Variants in MPHOSPH8 observed in about 807,000 individuals in gnomAD.
MPHOSPH8 encodes the protein M-phase phosphoprotein 8.
In MPHOSPH8, 45 loss-of-function variants were observed where a neutral mutation model predicts 87.3. The observed-to-expected ratio is 0.52, with a 90% CI of 0.41 to 0.66. The LOEUF (loss-of-function observed/expected upper bound fraction) is 0.66, where lower values mean the gene tolerates loss of function less well. MPHOSPH8 is among the 30% of genes least tolerant of loss of function. The pLI is 0.00. For missense variants in MPHOSPH8, 883 were observed against 1,020.2 expected, an observed-to-expected ratio of 0.87 and a Z score of 1.83; for synonymous variants, 366 against 376.9, an observed-to-expected ratio of 0.97 and a Z score of 0.33.
At position 19,633,692 on chromosome 13, in the gene MPHOSPH8, G is replaced by A. The variant is rs2137487208; in HGVS notation, c.-57G>A. On this transcript the variant is annotated 5_prime_UTR_variant, in exon 1 of 14. Transcript: ENST00000361479. ...GTAGGGCCGAGCGCGGAACGCGAGGGGCTGCTGGGGTGTTTGTCGCAGCGG... is the reference window on the plus strand; with the variant it reads ...GTAGGGCCGAGCGCGGAACGCGAGGAGCTGCTGGGGTGTTTGTCGCAGCGG... 2.0e-6 allele frequency: 3 copies of A among 1,534,472 alleles called. No homozygotes were observed. The South Asian group carries it at 3.6e-5, about 18-fold the overall frequency.
At chr13:19,652,559 A>C (rs1486989778) in intron 5 of MPHOSPH8, among the ~76,000 whole-genome samples, 1 of 152,114 alleles carries the variant, frequency 6.6e-6, no homozygotes, top group Non-Finnish European at 1.5e-5. Flanking sequence ...CCCCAGTGGC[A>C]CCTGGAACGC....
At chr13:19,648,383 CTT>C (rs1565936371) in intron 3 of MPHOSPH8, 37 bp from the exon 4 acceptor site, 2 of 1,339,572 alleles carry the variant, frequency 1.5e-6, no homozygotes, top group Non-Finnish European at 2.1e-6. Context: ...AGTGTCAACT[CTT>C]TATCCATTCT....
In MPHOSPH8 at chr13:19,646,603, A is replaced by G. The variant is rs1050023244; in HGVS notation, c.530A>G (p.Lys177Arg). 7 of 1,584,250 alleles carry G rather than the reference A, an allele frequency of 4.4e-6. No individual in the cohort carries two copies. In the African/African-American group the frequency reaches 5.5e-5, roughly 12 times the overall value. ...DLKKKKAKAG[K>R]LKDKSKPDLE... ...AAAAAGAAAAAAGCAAAGGCCGGGA[A>G]GCTAAAAGACAAGTCCAAACCAGAC... Residue 177 changes from lysine (K) to arginine (R), a missense_variant, in exon 3 of 14, where the codon AAG (lysine) becomes AGG (arginine). By Grantham distance (26) the Lys-to-Arg change is conservative. Around this residue, in one of 3 missense-constraint regions of MPHOSPH8, gnomAD observed 741 missense variants for 841.5 expected, o/e 0.88. Coordinates refer to ENST00000361479, the MANE Select transcript of MPHOSPH8 (RefSeq NM_017520.4).
intron 5 of MPHOSPH8, among the ~76,000 whole-genome samples, chr13:19,654,617 A>G (rs939166516): frequency 5.9e-5 from 9 of 152,348 alleles, no homozygotes; most frequent in Admixed American, 1.3e-4. Flanking sequence ...ATTCTGGGAG[A>G]CCATCATAAC....
rs1238429527 is a variant in MPHOSPH8, at chr13:19,633,768, G to T, written c.20G>T (p.Gly7Val). 2 of 1,600,978 alleles carry T rather than the reference G, an allele frequency of 1.2e-6. No homozygotes were observed. Among genetic ancestry groups the T allele is most frequent in the Non-Finnish European group, 1.7e-6 (2 of 1,174,648 alleles). MEQVAE[G>V]ARVTAVPVSA... ...GCTAGGATGGAGCAGGTTGCGGAGG[G>T]AGCAAGGGTGACCGCAGTCCCTGTG... is the stretch of plus-strand genomic sequence containing the variant. Residue 7 changes from glycine (G) to valine (V), a missense_variant, in exon 1 of 14, where the codon GGA (glycine) becomes GTA (valine). Transcript: ENST00000361479.
In MPHOSPH8 at chr13:19,673,065, A is replaced by C. The variant is rs1050539078; in HGVS notation, c.*1190A>C. On this transcript the variant is annotated 3_prime_UTR_variant, in exon 14 of 14. Transcript: ENST00000361479. ...ATGAGACCTTGTCTCAAAAAAAAAA[A>C]AAAGTTTCTTGGAACCTATACGGTT... 38 of 443,072 alleles carry C rather than the reference A, an allele frequency of 8.6e-5. No individual in the cohort carries two copies. In the Admixed American group the frequency reaches 9.8e-4, roughly 11 times the overall value. 27.4% of individuals were successfully genotyped at this position (443,072 alleles called of 1,614,324 possible).
intron 5 of MPHOSPH8, among the ~76,000 whole-genome samples, chr13:19,650,728 TA>T (rs1256733020): frequency 4.7e-5 from 7 of 150,184 alleles, no homozygotes; most frequent in African/African-American, 1.7e-4. Context: ...GGAGGAGTGC[TA>T]AAAAGTGTAC....
Position 19,672,939 on chromosome 13 carries a change from C to T in MPHOSPH8, c.*1064C>T. Reference sequence around the variant, plus strand: ...CATGGGGTGGAACAAGCCTGTAGTCCCAGATACTCAGGAGGCTGAGGTGAA... The same window carrying T: ...CATGGGGTGGAACAAGCCTGTAGTCTCAGATACTCAGGAGGCTGAGGTGAA... On this transcript the variant is annotated 3_prime_UTR_variant, in exon 14 of 14. Coordinates refer to ENST00000361479, the MANE Select transcript of MPHOSPH8 (RefSeq NM_017520.4). The T allele has an allele frequency of 5.3e-6, 2 of 378,288 alleles. No individual in the cohort carries two copies. Among genetic ancestry groups the T allele is most frequent in the South Asian group, 4.1e-5 (2 of 48,248 alleles). The allele number at this position is 378,288 out of a possible 1,614,324, so 23.4% of individuals were successfully genotyped here.
At chr13:19,651,739 A>C (rs749275193) in intron 5 of MPHOSPH8, among the ~76,000 whole-genome samples, 11 of 152,132 alleles carry the variant, frequency 7.2e-5, no homozygotes, top group South Asian at 2.1e-4. Context: ...ACTGAATGAC[A>C]TGGGAAAATT....
At chr13:19,666,603 T>C (rs9508812) in intron 10 of MPHOSPH8, 24 bp downstream of exon 10, 1,214,132 of 1,559,382 alleles carry the variant, frequency 0.78, 479,523 homozygotes, top group East Asian at 0.91. Context: ...GACTGTGCCA[T>C]AGTTAAGTCA....
chr13:19,656,187 G>A (rs1875155021), intron 5 of MPHOSPH8, among the ~76,000 whole-genome samples: 2 of 150,924 alleles, frequency 1.3e-5, no homozygotes, highest in East Asian at 1.9e-4. Flanking sequence ...GCTAAGGTAG[G>A]AGGACCATTT....
At chr13:19,641,364 C>T (rs1361900787) in intron 1 of MPHOSPH8, among the ~76,000 whole-genome samples, 1 of 151,362 alleles carries the variant, frequency 6.6e-6, no homozygotes, top group Non-Finnish European at 1.5e-5. Flanking sequence ...GCTCTTTTGC[C>T]CAGGCAGGAG....
At chr13:19,670,768 G>A in intron 12 of MPHOSPH8, 1 of 1,198,728 alleles carries the variant, frequency 8.3e-7, no homozygotes, top group South Asian at 1.6e-5. Context: ...CAGTTTCCCA[G>A]ATTGATTCTG....
chr13:19,641,386 A>G (rs1874280537), intron 1 of MPHOSPH8, among the ~76,000 whole-genome samples: 1 of 148,084 alleles, frequency 6.8e-6, no homozygotes, highest in South Asian at 2.1e-4. Flanking sequence ...GCAGTGGCAC[A>G]ATCTCTGCTC....
intron 10 of MPHOSPH8, among the ~76,000 whole-genome samples, chr13:19,666,988 C>G (rs1363544990): frequency 6.6e-6 from 1 of 151,974 alleles, no homozygotes; most frequent in Non-Finnish European, 1.5e-5. Flanking sequence ...ATGATGAAAC[C>G]CTGGCTCTAC....
At chr13:19,668,233 G>A (rs916653075) in intron 10 of MPHOSPH8, 144 bp from the exon 11 acceptor site, 1 of 658,978 alleles carries the variant, frequency 1.5e-6, no homozygotes, top group East Asian at 2.7e-5. Flanking sequence ...TCAGGTGCTT[G>A]GTGGAAGTAG....
chr13:19,660,830 T>C (rs371416442), intron 7 of MPHOSPH8: 12 of 611,430 alleles, frequency 2.0e-5, no homozygotes, highest in Non-Finnish European at 2.0e-5. Flanking sequence ...GAAATTCTTA[T>C]AGTTTTTAAG....
chr13:19,661,736 C>A lies in MPHOSPH8; in HGVS notation c.1830C>A (p.Ala610=). Residue 610 remains alanine (A), a synonymous_variant, in exon 8 of 14, where the codon GCC becomes GCA. Coordinates refer to ENST00000361479, the MANE Select transcript of MPHOSPH8 (RefSeq NM_017520.4). ...TGACACTGGTGATGCTTGCCGCCGC[C>A]GGAGGGCAGGACGACCTCCTGCGAC... ...SGMTLVMLAA[A]GGQDDLLRLL... is the part of the protein sequence containing the mutation. The A allele has an allele frequency of 6.2e-7, 1 of 1,611,060 alleles. No individual in the cohort carries two copies. The highest frequency in any genetic ancestry group is 8.5e-7 in the Non-Finnish European group (1 of 1,178,060).
At chr13:19,636,880 C>T (rs1874038089) in intron 1 of MPHOSPH8, among the ~76,000 whole-genome samples, 1 of 152,156 alleles carries the variant, frequency 6.6e-6, no homozygotes, top group Non-Finnish European at 1.5e-5. Context: ...TTAAAGGAAA[C>T]TTTGGCTACC....
Sources: allele counts gnomAD v4.1 joint callset (sites outside exome capture counted in the v4.1 genomes callset), GRCh38; gene constraint gnomAD v4.1.1; regional missense constraint gnomAD v4.1.1; transcripts MANE v1.5; gene names NCBI Gene and HGNC (gene_info 2026-07-23, HGNC 2026-07-21).